GPR19: variants seen among roughly 807,000 people sequenced by gnomAD.
GPR19 encodes G protein-coupled receptor 19, also known as probable G protein-coupled receptor 19.
Under a neutral mutation model 28.5 loss-of-function variants are expected in GPR19, and 14 were observed. The ratio of observed to expected loss-of-function variants is 0.49; its 90% confidence interval spans 0.32 to 0.77. GPR19 has a LOEUF of 0.77. GPR19 is among the 30% of genes least tolerant of loss of function. The pLI, the probability that GPR19 is intolerant of heterozygous loss-of-function variation, is 0.03. For missense variants in GPR19, 409 were observed against 504.1 expected (o/e 0.81, Z 1.81); for synonymous variants, 173 against 184.1 (o/e 0.94, Z 0.49).
intron 3 of GPR19, among the ~76,000 whole-genome samples, chr12:12,666,031 G>C (rs1448322217): frequency 6.6e-6 from 1 of 152,066 alleles, no homozygotes; most frequent in Non-Finnish European, 1.5e-5. Flanking sequence ...TGAGCTGGGA[G>C]CTTAGAGGAT....
In GPR19 at chr12:12,694,188, C is replaced by CTTTTTTTTTTTT. The variant is rs147543699; in HGVS notation, c.-180+1259_-180+1270dup. On this transcript the variant is annotated intron_variant, in intron 2 of 3. Coordinates refer to ENST00000651487, the MANE Select transcript of GPR19 (RefSeq NM_006143.3). ...TGTGTGGGCATGGTAGAGTACCTGT[C>CTTTTTTTTTTTT]TTTTTTTTTTTTTTTTTTTTTTTTT... 4.9e-3 allele frequency among the ~76,000 whole-genome samples: 214 copies of CTTTTTTTTTTTT among 43,850 alleles called. 31 individuals carry two copies. Among genetic ancestry groups the CTTTTTTTTTTTT allele is most frequent in the Middle Eastern group, 0.019 (1 of 52 alleles). The allele number at this position is 43,850 out of a possible 152,430, so 28.8% of individuals were successfully genotyped here. A position where few individuals can be genotyped will look rare whatever the true frequency, so the allele number is the denominator to read the frequency against.
intron 2 of GPR19, among the ~76,000 whole-genome samples, chr12:12,689,557 T>C (rs1284693188): frequency 6.6e-6 from 1 of 152,104 alleles, no homozygotes; most frequent in Non-Finnish European, 1.5e-5. Context: ...ACTGAATGAA[T>C]TGAACTATAT....
chr12:12,695,265 G>GGAGGCTA (rs1188416259), intron 2 of GPR19, among the ~76,000 whole-genome samples, 194 bp downstream of exon 2: 2 of 152,200 alleles, frequency 1.3e-5, no homozygotes, highest in Non-Finnish European at 2.9e-5. Context: ...TAGTGAACTG[G>GGAGGCTA]GAGGCTAGAG....
chr12:12,691,192 AT>A (rs1215487593), intron 2 of GPR19, among the ~76,000 whole-genome samples: 1 of 152,126 alleles, frequency 6.6e-6, no homozygotes, highest in Admixed American at 6.5e-5. Context: ...AAATAAAAAA[AT>A]AAAAAGGGCT....
the GPR19 span, chr12:12,703,433 G>T: frequency 1.0e-6 from 1 of 985,112 alleles, no homozygotes; most frequent in South Asian, 4.7e-5. Context: ...CCAAACTATG[G>T]GACCTTGAAA....
chr12:12,690,649 C>T (rs1946167471), intron 2 of GPR19, among the ~76,000 whole-genome samples: 1 of 152,164 alleles, frequency 6.6e-6, no homozygotes, highest in African/African-American at 2.4e-5. Context: ...AAAATGGCTG[C>T]CCCTAAATGG....
rs147901297 is a variant in GPR19, at chr12:12,679,121, G to C, written c.-23+5230C>G. On this transcript the variant is annotated intron_variant, in intron 3 of 3. Transcript: ENST00000651487. Reference sequence around the variant, plus strand: ...TCTTTATGTGCATTTTTAATATGAAGAGGCTATATAGTATGGTGGCTGAGA... The same window carrying C: ...TCTTTATGTGCATTTTTAATATGAACAGGCTATATAGTATGGTGGCTGAGA... 2.2e-4 allele frequency among the ~76,000 whole-genome samples: 34 copies of C among 152,182 alleles called. No homozygotes were observed. The East Asian group carries it at 6.6e-3, about 29-fold the overall frequency.
At chr12:12,710,097 A>C in the GPR19 span, among the ~76,000 whole-genome samples, 1 of 152,162 alleles carries the variant, frequency 6.6e-6, no homozygotes, top group African/African-American at 2.4e-5. Context: ...CACACCTGTA[A>C]TCCCAGCAAC....
chr12:12,711,871 C>T, the GPR19 span, among the ~76,000 whole-genome samples: 1 of 152,310 alleles, frequency 6.6e-6, no homozygotes, highest in East Asian at 1.9e-4. Context: ...AAGTAACCAC[C>T]CTGCATTTGT....
At chr12:12,701,261 A>G in the GPR19 span, among the ~76,000 whole-genome samples, 2 of 152,294 alleles carry the variant, frequency 1.3e-5, no homozygotes, top group Non-Finnish European at 1.5e-5. Flanking sequence ...TAACATCTTT[A>G]TATGTTGCTA....
chr12:12,682,218 A>G (rs1382743007), intron 3 of GPR19, among the ~76,000 whole-genome samples: 1 of 152,234 alleles, frequency 6.6e-6, no homozygotes, highest in Admixed American at 6.5e-5. Flanking sequence ...TTCTAAATAT[A>G]AATAAAAATG....
the GPR19 span, among the ~76,000 whole-genome samples, chr12:12,713,257 G>T: frequency 6.6e-6 from 1 of 151,882 alleles, no homozygotes; most frequent in Non-Finnish European, 1.5e-5. Context: ...TAGAGACAGG[G>T]TTTCACCATG....
intron 3 of GPR19, among the ~76,000 whole-genome samples, chr12:12,669,531 C>G (rs1945828853): frequency 6.6e-6 from 1 of 152,068 alleles, no homozygotes. Context: ...ATGAGAAATG[C>G]CTGTAACACT....
the GPR19 span, among the ~76,000 whole-genome samples, chr12:12,713,967 C>T: frequency 6.6e-6 from 1 of 152,010 alleles, no homozygotes; most frequent in Non-Finnish European, 1.5e-5. Flanking sequence ...GTACTTCTTT[C>T]ATGTGCTGTG....
rs1296391214 is a variant in GPR19, at chr12:12,660,996, C to G, written c.*205G>C. ...ATATTAATAGTAAAAGGACTGTTGG[C>G]TAAAGTTCAAAGTGAACGCTTTTCC... On this transcript the variant is annotated 3_prime_UTR_variant, in exon 4 of 4. Coordinates refer to ENST00000651487, the MANE Select transcript of GPR19 (RefSeq NM_006143.3). 6.0e-6 allele frequency: 3 copies of G among 496,908 alleles called. No homozygotes were observed. The highest frequency in any genetic ancestry group is 7.0e-6 in the Non-Finnish European group (2 of 284,512). The allele number at this position is 496,908 out of a possible 1,614,324, so 30.8% of individuals were successfully genotyped here.
chr12:12,682,338 C>A (rs1341514741), intron 3 of GPR19, among the ~76,000 whole-genome samples: 1 of 152,230 alleles, frequency 6.6e-6, no homozygotes, highest in African/African-American at 2.4e-5. Context: ...ATAATTTTGA[C>A]TGTTGCCAAG....
intron 3 of GPR19, among the ~76,000 whole-genome samples, chr12:12,680,266 C>T (rs550437884): frequency 2.0e-5 from 3 of 152,304 alleles, no homozygotes; most frequent in East Asian, 1.9e-4. Flanking sequence ...CTCTACCTGC[C>T]GTCTGTGGAC....
At chr12:12,693,771 C>T (rs1946218980) in intron 2 of GPR19, among the ~76,000 whole-genome samples, 1 of 152,154 alleles carries the variant, frequency 6.6e-6, no homozygotes, top group African/African-American at 2.4e-5. Context: ...GGCACGATCT[C>T]GGCTGACCGC....
At chr12:12,674,677 G>A (rs1323369716) in intron 3 of GPR19, among the ~76,000 whole-genome samples, 1 of 151,998 alleles carries the variant, frequency 6.6e-6, no homozygotes, top group Non-Finnish European at 1.5e-5. Flanking sequence ...ATGTACATTT[G>A]GAAAAATCTC....
Sources: gnomAD v4.1 joint callset for allele counts (sites outside exome capture counted in the v4.1 genomes callset) on GRCh38, gnomAD v4.1.1 for gene constraint, MANE v1.5 for transcripts, NCBI Gene and HGNC (gene_info 2026-07-23, HGNC 2026-07-21) for gene names.